CDH13: variants seen among roughly 807,000 people sequenced by gnomAD.
CDH13 encodes the protein cadherin-13.
CDH13 carries 24 observed loss-of-function variants against 63.8 expected under a neutral mutation model. That is an observed-to-expected ratio of 0.38 (90% CI 0.27 to 0.53). The LOEUF is 0.53. Ranked by LOEUF, CDH13 falls within the 20% of genes least tolerant of loss-of-function variation. The pLI is 0.85. For synonymous variants in CDH13, 503 were observed against 355.3 expected (o/e 1.42, Z -4.67); for missense variants, 1,049 against 903.1 (o/e 1.16, Z -2.07).
intron 2 of CDH13, among the ~76,000 whole-genome samples, chr16:82,908,251 C>A (rs1373760232): frequency 6.6e-6 from 1 of 152,062 alleles, no homozygotes; most frequent in African/African-American, 2.4e-5. Context: ...GTAGCTAGAA[C>A]CTGAGGGAGG....
chr16:83,058,241 A>G (rs992171552), intron 3 of CDH13, among the ~76,000 whole-genome samples: 3 of 151,984 alleles, frequency 2.0e-5, no homozygotes, highest in Non-Finnish European at 2.9e-5. Context: ...AGCTTTTTCT[A>G]TTCTCATCTT....
At position 82,708,190 on chromosome 16, in the gene CDH13, A is replaced by G. The variant is rs140126597; in HGVS notation, c.45+81053A>G. On this transcript the variant is annotated intron_variant, in intron 1 of 13. Coordinates refer to ENST00000567109, the MANE Select transcript of CDH13 (RefSeq NM_001257.5). ...GCTTACATCACACTGTTCGCATCCC[A>G]TTTGCTCAAATGTGGTCATATGCCA... is the stretch of plus-strand genomic sequence containing the variant. 5.9e-4 allele frequency among the ~76,000 whole-genome samples: 90 copies of G among 152,210 alleles called. No homozygotes were observed. The East Asian group carries it at 0.016, about 28-fold the overall frequency.
At chr16:83,253,434 G>C (rs1905829099) in intron 5 of CDH13, among the ~76,000 whole-genome samples, 2 of 152,206 alleles carry the variant, frequency 1.3e-5, no homozygotes, top group African/African-American at 4.8e-5. Flanking sequence ...GAAGCAGCCA[G>C]TGTCCAAGGC....
intron 8 of CDH13, among the ~76,000 whole-genome samples, chr16:83,666,230 C>T (rs772971928): frequency 4.0e-5 from 6 of 151,890 alleles, no homozygotes; most frequent in Non-Finnish European, 7.4e-5. Context: ...AAAATGGTAC[C>T]ATTTCATTTT....
intron 5 of CDH13, among the ~76,000 whole-genome samples, chr16:83,240,717 C>CTTTTTTTTTTTTT: frequency 1.2e-5 from 1 of 81,666 alleles, no homozygotes; most frequent in Non-Finnish European, 2.0e-5. Flanking sequence ...CTGTCTTAAT[C>CTTTTTTTTTTTTT]TTTTTTTTTT....
chr16:83,019,836 TAAA>T (rs562381483), intron 2 of CDH13, among the ~76,000 whole-genome samples: 2 of 100,818 alleles, frequency 2.0e-5, no homozygotes, highest in Non-Finnish European at 4.1e-5. Flanking sequence ...GAGTACACTC[TAAA>T]AAAAAAAAAA....
At chr16:83,634,471 G>A (rs577572757) in intron 8 of CDH13, among the ~76,000 whole-genome samples, 39 of 151,654 alleles carry the variant, frequency 2.6e-4, no homozygotes, top group African/African-American at 8.7e-4. Context: ...CACAATCTCG[G>A]CTCATTGCGA....
At chr16:83,390,174 C>T (rs927180694) in intron 6 of CDH13, among the ~76,000 whole-genome samples, 1 of 150,498 alleles carries the variant, frequency 6.6e-6, no homozygotes, top group Non-Finnish European at 1.5e-5. Flanking sequence ...AGCTGAGGAA[C>T]TCAGAAACAC....
intron 5 of CDH13, among the ~76,000 whole-genome samples, chr16:83,304,850 C>G (rs2089836275): frequency 6.6e-6 from 1 of 152,158 alleles, no homozygotes; most frequent in Non-Finnish European, 1.5e-5. Context: ...CTCTCTCCCC[C>G]ACCTTTCCTC....
chr16:82,742,545 C>T (rs975952809), intron 1 of CDH13, among the ~76,000 whole-genome samples: 4 of 151,976 alleles, frequency 2.6e-5, no homozygotes, highest in African/African-American at 9.7e-5. Context: ...GGTTCCATTT[C>T]TCTTTTGTAA....
chr16:83,250,401 G>T (rs1905379893), intron 5 of CDH13, among the ~76,000 whole-genome samples: 1 of 152,220 alleles, frequency 6.6e-6, no homozygotes, highest in Non-Finnish European at 1.5e-5. Context: ...AGTTAGGGAA[G>T]ATAGGATAAA....
chr16:83,082,571 G>T (rs997364933), intron 3 of CDH13, among the ~76,000 whole-genome samples: 50 of 152,268 alleles, frequency 3.3e-4, no homozygotes, highest in African/African-American at 1.2e-3. Flanking sequence ...AACCCGGGAG[G>T]CAGAGGTTGC....
At chr16:83,730,728 G>A (rs868050742) in intron 10 of CDH13, among the ~76,000 whole-genome samples, 3 of 152,074 alleles carry the variant, frequency 2.0e-5, no homozygotes, top group South Asian at 2.1e-4. Flanking sequence ...GGTCTATTGC[G>A]TGTTGCTGAA....
At chr16:83,029,625 G>A (rs1203859147) in intron 2 of CDH13, among the ~76,000 whole-genome samples, 1 of 152,160 alleles carries the variant, frequency 6.6e-6, no homozygotes, top group Non-Finnish European at 1.5e-5. Flanking sequence ...AGGAGAGAGT[G>A]CATACTGTAT....
intron 1 of CDH13, among the ~76,000 whole-genome samples, chr16:82,708,553 A>G (rs2031671185): frequency 6.6e-6 from 1 of 152,136 alleles, no homozygotes; most frequent in Non-Finnish European, 1.5e-5. Flanking sequence ...CTGGCCCCAG[A>G]TAGTATCCTC....
chr16:83,503,408 C>T (rs1343758696), intron 7 of CDH13, among the ~76,000 whole-genome samples: 2 of 152,312 alleles, frequency 1.3e-5, no homozygotes, highest in East Asian at 3.9e-4. Flanking sequence ...CCACATCTAC[C>T]TGGGTGGAGC....
chr16:82,890,628 T>G (rs2041046809), intron 2 of CDH13, among the ~76,000 whole-genome samples: 1 of 150,104 alleles, frequency 6.7e-6, no homozygotes, highest in South Asian at 2.1e-4. Flanking sequence ...ATACAAACTA[T>G]AAATTGAGCA....
chr16:83,787,309 G>T (rs9932224), intron 13 of CDH13, among the ~76,000 whole-genome samples: 19,606 of 152,120 alleles, frequency 0.13, 2,103 homozygotes, highest in African/African-American at 0.3. Context: ...TTTATTGTTT[G>T]TTTGTTTGTT....
intron 2 of CDH13, among the ~76,000 whole-genome samples, chr16:83,002,093 G>C (rs2151424324): frequency 6.6e-6 from 1 of 152,292 alleles, no homozygotes; most frequent in South Asian, 2.1e-4. Context: ...GGATATGATG[G>C]GTTGAATGTC....
Sources: gnomAD v4.1 joint callset for allele counts (sites outside exome capture counted in the v4.1 genomes callset) on GRCh38, gnomAD v4.1.1 for gene constraint, MANE v1.5 for transcripts, NCBI Gene and HGNC (gene_info 2026-07-23, HGNC 2026-07-21) for gene names.